Variants in RNF216 observed in about 807,000 individuals in gnomAD.
RNF216 encodes the protein E3 ubiquitin-protein ligase RNF216.
Under a neutral mutation model 110.8 loss-of-function variants are expected in RNF216, and 72 were observed. The observed-to-expected ratio is 0.65, with a 90% confidence interval of 0.54 to 0.79. RNF216 has a LOEUF of 0.79. RNF216 is among the 30% of genes least tolerant of loss of function. The probability of loss-of-function intolerance (pLI) is 0.00; values close to 1 mark genes in which losing one functional copy is unlikely to be tolerated. For missense variants in RNF216, 1,342 were observed against 1,141.2 expected (o/e 1.18, Z -2.54); for synonymous variants, 495 against 407.5 (o/e 1.21, Z -2.59).
Position 5,680,489 on chromosome 7 carries a change from C to T in RNF216, c.2062-27979G>A, listed in dbSNP as rs1790580794. The T allele has an allele frequency of 6.6e-6, 1 of 152,250 alleles. No individual in the cohort carries two copies. The highest frequency in any genetic ancestry group is 2.4e-5 in the African/African-American group (1 of 41,420). 9.4% of individuals were successfully genotyped at this position (152,250 alleles called of 1,614,324 possible). A position where few individuals can be genotyped will look rare whatever the true frequency, so the allele number is the denominator to read the frequency against. On this transcript the variant is annotated intron_variant, in intron 13 of 16. Transcript: ENST00000389902. The surrounding 1 kb of genome is among the most constrained non-coding windows in gnomAD (Gnocchi z 4.3). ...CGATCTCGGCTCACTGCAATCTCTA[C>T]CTCCCGGGTTCAAGCGATTCCCCTG...
chr7:5,711,265 T>C (rs574997681), intron 13 of RNF216, among the ~76,000 whole-genome samples: 8 of 152,320 alleles, frequency 5.3e-5, no homozygotes, highest in African/African-American at 1.9e-4. Context: ...CCACGTAATA[T>C]AGTCAGTTCT....
At position 5,660,795 on chromosome 7, in the gene RNF216, C is replaced by T. The variant is rs182546251; in HGVS notation, c.2062-8285G>A. ...ATGTTGCCCAGGCTGGTCTCAAACT[C>T]CTGGAGTCAAGCAATCCGCAAGCTT... On this transcript the variant is annotated intron_variant, in intron 13 of 16. Coordinates refer to ENST00000389902, the MANE Select transcript of RNF216 (RefSeq NM_207111.4). 1.5e-3 allele frequency among the ~76,000 whole-genome samples: 227 copies of T among 151,612 alleles called. 1 individual carries two copies. Among genetic ancestry groups the T allele is most frequent in the African/African-American group, 5.3e-3 (221 of 41,322 alleles).
intron 13 of RNF216, among the ~76,000 whole-genome samples, chr7:5,709,918 C>A (rs1336488390): frequency 6.6e-6 from 1 of 152,130 alleles, no homozygotes; most frequent in East Asian, 1.9e-4. Flanking sequence ...CCATGCCTAG[C>A]TGAGTTTTAA....
At chr7:5,781,084 G>A (rs1433507999) in intron 1 of RNF216, among the ~76,000 whole-genome samples, 1 of 152,210 alleles carries the variant, frequency 6.6e-6, no homozygotes, top group Admixed American at 6.5e-5. Context: ...CTCCAGATGT[G>A]AGGGAAGAGG....
In RNF216 at chr7:5,743,655, T is replaced by G. The variant is rs115265330; in HGVS notation, c.202-1840A>C. Among the ~76,000 whole-genome samples, 705 of 152,336 alleles carry G rather than the reference T, an allele frequency of 4.6e-3. 6 individuals carry two copies. Among genetic ancestry groups the G allele is most frequent in the African/African-American group, 0.016 (686 of 41,584 alleles). On this transcript the variant is annotated intron_variant, in intron 3 of 16. Transcript: ENST00000389902. Reference sequence around the variant, plus strand: ...CTAAAAGTATGTATATGTACCCACATGTATATACACATGGATACATACAAA... The same window carrying G: ...CTAAAAGTATGTATATGTACCCACAGGTATATACACATGGATACATACAAA...
Position 5,624,207 on chromosome 7 carries a change from T to C in RNF216, c.2383-82A>G, listed in dbSNP as rs921094015. Reference sequence around the variant, plus strand: ...CGTGGGACAGTGAGGAGGCCGCTTGTTGCTTATGGCCATGGAACAAGCCCG... The same window carrying C: ...CGTGGGACAGTGAGGAGGCCGCTTGCTGCTTATGGCCATGGAACAAGCCCG... On this transcript the variant is annotated intron_variant, in intron 15 of 16. Coordinates refer to ENST00000389902, the MANE Select transcript of RNF216 (RefSeq NM_207111.4). The surrounding 1 kb of genome is among the most constrained non-coding windows in gnomAD (Gnocchi z 4.4). 2.5e-6 allele frequency: 3 copies of C among 1,190,380 alleles called. No individual in the cohort carries two copies. Among genetic ancestry groups the C allele is most frequent in the Admixed American group, 1.9e-5 (1 of 51,418 alleles). 73.7% of individuals were successfully genotyped at this position (1,190,380 alleles called of 1,614,324 possible).
At chr7:5,707,718 G>GTTTTTTTTT (rs35372254) in intron 13 of RNF216, among the ~76,000 whole-genome samples, 5 of 92,858 alleles carry the variant, frequency 5.4e-5, no homozygotes, top group Admixed American at 1.4e-4. Context: ...TGTGTGTGTG[G>GTTTTTTTTT]TTTTTTTTTT....
At position 5,712,059 on chromosome 7, in the gene RNF216, C is replaced by T. The variant is rs1024593166; in HGVS notation, c.1983-220G>A. 23 of 554,658 alleles carry T rather than the reference C, an allele frequency of 4.1e-5. No homozygotes were observed. In the African/African-American group the frequency reaches 4.4e-4, roughly 11 times the overall value. 34.4% of individuals were successfully genotyped at this position (554,658 alleles called of 1,614,324 possible). On this transcript the variant is annotated intron_variant, in intron 12 of 16. Transcript: ENST00000389902. ...ACATGAGGTCCTGACTGAATATAAA[C>T]CACTCAATAAACACGTCCCAACCTT...
At chr7:5,724,586 C>A (rs1048154094) in intron 8 of RNF216, among the ~76,000 whole-genome samples, 2 of 152,212 alleles carry the variant, frequency 1.3e-5, no homozygotes, top group African/African-American at 4.8e-5. Flanking sequence ...GGCTTAGGAA[C>A]CTCAGGAGTC....
chr7:5,752,980 C>G lies in RNF216; in HGVS notation c.68-1G>C. The G allele has an allele frequency of 1.2e-6, 2 of 1,608,112 alleles. No homozygotes were observed. Among genetic ancestry groups the G allele is most frequent in the Non-Finnish European group, 1.7e-6 (2 of 1,177,862 alleles). Reference sequence around the variant, plus strand: ...GGCCCATCTCGGAGATTGATCCACTCTACAGGAAAGCAGAGAACACTGTTA... The same window carrying G: ...GGCCCATCTCGGAGATTGATCCACTGTACAGGAAAGCAGAGAACACTGTTA... On this transcript the variant is annotated splice_acceptor_variant, in intron 2 of 16. Transcript: ENST00000389902. LOFTEE classifies it high-confidence loss of function.
chr7:5,708,652 T>A (rs1327338314), intron 13 of RNF216, among the ~76,000 whole-genome samples: 1 of 152,208 alleles, frequency 6.6e-6, no homozygotes, highest in Non-Finnish European at 1.5e-5. Flanking sequence ...AGGCTTTTGT[T>A]TTCCTTTTTT....
chr7:5,646,624 C>T (rs956728046), intron 14 of RNF216, among the ~76,000 whole-genome samples: 1 of 149,324 alleles, frequency 6.7e-6, no homozygotes, highest in African/African-American at 2.5e-5. Context: ...ACCTGGGAGG[C>T]GGAGGTTGCA....
At position 5,729,646 on chromosome 7, in the gene RNF216, A is replaced by T. The variant is rs1460605866; in HGVS notation, c.1225-50T>A. On this transcript the variant is annotated intron_variant, in intron 6 of 16. Coordinates refer to ENST00000389902, the MANE Select transcript of RNF216 (RefSeq NM_207111.4). ...TCAGAGGCCAGGCAGTACATTTCCC[A>T]TACAGGGGAAATCATTTTAAGAATT... The T allele has an allele frequency of 2.8e-6, 4 of 1,421,048 alleles. No individual in the cohort carries two copies. In the Admixed American group the frequency reaches 7.2e-5, roughly 26 times the overall value. 88.0% of individuals were successfully genotyped at this position (1,421,048 alleles called of 1,614,324 possible).
Position 5,641,014 on chromosome 7 carries a change from T to C in RNF216, c.2382+140A>G, listed in dbSNP as rs1289998714. ...AGCTGATAATTAGTTTCTCAAATTT[T>C]TTCTTTGGTTATCAGTCTATGTAAT... On this transcript the variant is annotated intron_variant, in intron 15 of 16. Transcript: ENST00000389902. 6 of 654,920 alleles carry C rather than the reference T, an allele frequency of 9.2e-6. No individual in the cohort carries two copies. The Admixed American group carries it at 1.3e-4, about 14-fold the overall frequency. 40.6% of individuals were successfully genotyped at this position (654,920 alleles called of 1,614,324 possible). A position where few individuals can be genotyped will look rare whatever the true frequency, so the allele number is the denominator to read the frequency against.
intron 15 of RNF216, among the ~76,000 whole-genome samples, chr7:5,639,904 C>A (rs1428482545): frequency 6.6e-6 from 1 of 152,096 alleles, no homozygotes; most frequent in Admixed American, 6.5e-5. Context: ...GGACTACAGG[C>A]GCCTGCCACC....
At chr7:5,678,471 T>C (rs913548380) in intron 13 of RNF216, among the ~76,000 whole-genome samples, 20 of 152,220 alleles carry the variant, frequency 1.3e-4, no homozygotes, top group African/African-American at 4.3e-4. Flanking sequence ...TCATGCCACC[T>C]GGCGTCCCCA....
chr7:5,754,300 T>G (rs1423412332), intron 2 of RNF216, among the ~76,000 whole-genome samples: 1 of 151,848 alleles, frequency 6.6e-6, no homozygotes, highest in Non-Finnish European at 1.5e-5. Context: ...GGACAACAGG[T>G]GCACACTACT....
intron 13 of RNF216, among the ~76,000 whole-genome samples, chr7:5,710,877 G>A (rs1448631429): frequency 6.6e-6 from 1 of 152,232 alleles, no homozygotes; most frequent in Non-Finnish European, 1.5e-5. Context: ...CTTAAGAGCT[G>A]CAAGATGCCA....
intron 13 of RNF216, among the ~76,000 whole-genome samples, chr7:5,673,501 T>C (rs1790061155): frequency 6.6e-6 from 1 of 152,134 alleles, no homozygotes; most frequent in Admixed American, 6.5e-5. Context: ...GGGGGTGATG[T>C]GAAGAACAGC....
Sources: allele counts gnomAD v4.1 joint callset (sites outside exome capture counted in the v4.1 genomes callset), GRCh38; gene constraint gnomAD v4.1.1; non-coding constraint Gnocchi (gnomAD v3.1); transcripts MANE v1.5; gene names NCBI Gene and HGNC (gene_info 2026-07-23, HGNC 2026-07-21).